Variants in TAF3 observed in about 807,000 individuals in gnomAD.
TAF3 encodes TATA-box binding protein associated factor 3.
Under a neutral mutation model 80.6 loss-of-function variants are expected in TAF3, and 7 were observed. The observed-to-expected ratio is 0.09, with a 90% CI of 0.05 to 0.16. The LOEUF is 0.16. Among genes scored for constraint, TAF3 ranks in the 10% least tolerant of loss-of-function variants. TAF3 has a pLI of 1.00. For synonymous variants in TAF3, 444 were observed against 446.1 expected (o/e 1.00, Z 0.06); for missense variants, 921 against 1,140.2 (o/e 0.81, Z 2.77).
rs755595838 is a variant in TAF3, at chr10:7,850,413, T to C, written c.409+25853T>C. 4.0e-4 allele frequency among the ~76,000 whole-genome samples: 61 copies of C among 152,328 alleles called. 1 individual carries two copies. The highest frequency in any genetic ancestry group is 2.5e-3 in the South Asian group (12 of 4,830). ...ATTTAAGGCTGGGAGCAGTGGCTCATGCCTTTAATCCTAGCACTTTGGGAG... is the reference window on the plus strand; with the variant it reads ...ATTTAAGGCTGGGAGCAGTGGCTCACGCCTTTAATCCTAGCACTTTGGGAG... On this transcript the variant is annotated intron_variant, in intron 2 of 6. Transcript: ENST00000344293.
chr10:7,988,298 A>G (rs1036166986), intron 4 of TAF3, among the ~76,000 whole-genome samples: 2 of 152,016 alleles, frequency 1.3e-5, no homozygotes, highest in South Asian at 2.1e-4. Flanking sequence ...AATATTAAAA[A>G]GATATCCGGG....
chr10:7,873,095 ATAATT>A (rs777606406), intron 2 of TAF3, among the ~76,000 whole-genome samples: 67 of 152,308 alleles, frequency 4.4e-4, no homozygotes, highest in South Asian at 1.0e-3. Context: ...ATTAAAAGTA[ATAATT>A]TAATATGTTT....
chr10:7,928,112 A>C (rs1240644519), intron 2 of TAF3, among the ~76,000 whole-genome samples: 1 of 152,202 alleles, frequency 6.6e-6, no homozygotes, highest in Non-Finnish European at 1.5e-5. Context: ...TGCCTATTTT[A>C]GATCTATAAG....
At chr10:7,946,127 C>T (rs1838021869) in intron 2 of TAF3, among the ~76,000 whole-genome samples, 1 of 152,184 alleles carries the variant, frequency 6.6e-6, no homozygotes, top group South Asian at 2.1e-4. Context: ...CTAGAGTCAT[C>T]TTTCTCGAAA....
intron 2 of TAF3, among the ~76,000 whole-genome samples, chr10:7,873,901 G>A (rs1564353562): frequency 6.6e-6 from 1 of 152,214 alleles, no homozygotes; most frequent in South Asian, 2.1e-4. Context: ...TTTGTATTGA[G>A]CACTTAGGTT....
intron 2 of TAF3, among the ~76,000 whole-genome samples, chr10:7,848,891 C>G (rs938390337): frequency 1.3e-5 from 2 of 152,166 alleles, no homozygotes; most frequent in Non-Finnish European, 2.9e-5. Flanking sequence ...ATGTAGCCTA[C>G]TGTGTCAGTA....
At chr10:7,939,324 G>C (rs80104768) in intron 2 of TAF3, among the ~76,000 whole-genome samples, 2 of 152,098 alleles carry the variant, frequency 1.3e-5, no homozygotes, top group Non-Finnish European at 2.9e-5. Context: ...GACTCCTACT[G>C]TGTAGGAAAT....
At chr10:7,919,587 A>AC (rs1332814560) in intron 2 of TAF3, among the ~76,000 whole-genome samples, 4 of 152,010 alleles carry the variant, frequency 2.6e-5, no homozygotes, top group Non-Finnish European at 5.9e-5. Flanking sequence ...TGGTTCCAGG[A>AC]CCCCCCATAG....
chr10:7,834,394 G>A (rs1836830691), intron 2 of TAF3, among the ~76,000 whole-genome samples: 1 of 151,850 alleles, frequency 6.6e-6, no homozygotes, highest in South Asian at 2.1e-4. Context: ...ATGAGATAAG[G>A]ATCCAATTTC....
intron 2 of TAF3, among the ~76,000 whole-genome samples, chr10:7,906,220 C>G (rs897444416): frequency 1.3e-4 from 20 of 152,128 alleles, no homozygotes; most frequent in Non-Finnish European, 1.9e-4. Context: ...AGTGTCTTAT[C>G]TTTAATTTCA....
intron 2 of TAF3, among the ~76,000 whole-genome samples, chr10:7,938,571 C>T (rs186389627): frequency 1.3e-5 from 2 of 152,164 alleles, no homozygotes; most frequent in African/African-American, 2.4e-5. Context: ...AAAAAGAAAA[C>T]GTGAGCCTCC....
intron 2 of TAF3, among the ~76,000 whole-genome samples, chr10:7,861,031 G>A (rs992631892): frequency 1.3e-5 from 2 of 151,278 alleles, no homozygotes; most frequent in Non-Finnish European, 2.9e-5. Context: ...GCGCCATCTC[G>A]GCTCACTGCA....
At chr10:7,983,264 C>T (rs868751582) in intron 4 of TAF3, among the ~76,000 whole-genome samples, 2 of 152,140 alleles carry the variant, frequency 1.3e-5, no homozygotes, top group Non-Finnish European at 2.9e-5. Context: ...AGGGAGGCTG[C>T]CCTGTCAGAA....
At chr10:7,989,435 G>A (rs1588578602) in intron 4 of TAF3, among the ~76,000 whole-genome samples, 1 of 152,136 alleles carries the variant, frequency 6.6e-6, no homozygotes, top group African/African-American at 2.4e-5. Context: ...TATATTTCAC[G>A]GTGCTGAGAA....
intron 2 of TAF3, among the ~76,000 whole-genome samples, chr10:7,886,535 G>A (rs770579880): frequency 2.6e-5 from 4 of 152,100 alleles, no homozygotes; most frequent in South Asian, 2.1e-4. Context: ...GCTTTGCCAC[G>A]TTGTGGCTAT....
Position 8,014,834 on chromosome 10 carries a change from C to A in TAF3, c.*83C>A. On this transcript the variant is annotated 3_prime_UTR_variant, in exon 7 of 7. Coordinates refer to ENST00000344293, the MANE Select transcript of TAF3 (RefSeq NM_031923.4). ...TGGAAGGGAGCTGGTGCAAGTCTGC[C>A]GTCACATCCACCCCCAGATGCCTGT... The A allele has an allele frequency of 1.7e-6, 2 of 1,208,504 alleles. No individual in the cohort carries two copies. Among genetic ancestry groups the A allele is most frequent in the East Asian group, 2.6e-5 (1 of 38,138 alleles). 74.9% of individuals were successfully genotyped at this position (1,208,504 alleles called of 1,614,324 possible).
intron 2 of TAF3, among the ~76,000 whole-genome samples, chr10:7,918,280 A>G (rs1837731155): frequency 6.6e-6 from 1 of 152,138 alleles, no homozygotes; most frequent in Non-Finnish European, 1.5e-5. Context: ...GAAGAGTGGG[A>G]GAGAGAATGA....
In TAF3 at chr10:7,867,437, C is replaced by T. The variant is rs180726131; in HGVS notation, c.409+42877C>T. ...GAAACCTAGTGTTTAAATTACAGCT[C>T]GCAAATATTTCCTGATTCATTTAAA... On this transcript the variant is annotated intron_variant, in intron 2 of 6. Coordinates refer to ENST00000344293, the MANE Select transcript of TAF3 (RefSeq NM_031923.4). 2.8e-3 allele frequency among the ~76,000 whole-genome samples: 424 copies of T among 152,180 alleles called. 3 individuals are homozygous for T. Among genetic ancestry groups the T allele is most frequent in the Non-Finnish European group, 2.1e-3 (143 of 68,018 alleles).
At chr10:7,926,803 G>A (rs573885190) in intron 2 of TAF3, among the ~76,000 whole-genome samples, 1 of 152,136 alleles carries the variant, frequency 6.6e-6, no homozygotes, top group Admixed American at 6.5e-5. Context: ...AGATTAGTAA[G>A]CAATAGTTTT....
Sources: allele counts gnomAD v4.1 joint callset (sites outside exome capture counted in the v4.1 genomes callset), GRCh38; gene constraint gnomAD v4.1.1; transcripts MANE v1.5; gene names NCBI Gene and HGNC (gene_info 2026-07-23, HGNC 2026-07-21).